DNMT1: variants seen among roughly 807,000 people sequenced by gnomAD.
DNMT1 encodes DNA (cytosine-5)-methyltransferase 1.
In DNMT1, 24 loss-of-function variants were observed where a neutral mutation model predicts 205.3. The ratio of observed to expected loss-of-function variants is 0.12; its 90% confidence interval spans 0.08 to 0.16. The LOEUF is 0.16. Ranked by LOEUF, DNMT1 falls within the 10% of genes least tolerant of loss-of-function variation. The pLI, the probability that DNMT1 is intolerant of heterozygous loss-of-function variation, is 1.00. For missense variants in DNMT1, 1,293 were observed against 2,177.7 expected (o/e 0.59, Z 8.09); for synonymous variants, 817 against 839.8 (o/e 0.97, Z 0.47).
chr19:10,140,765 G>A lies in DNMT1; in HGVS notation c.3523+16C>T. ...GGCTCACCAGGTATTCAGAGATGGA[G>A]CCTACGGGCGCTCACCTGCTTGGTG... On this transcript the variant is annotated intron_variant, in intron 32 of 40. Coordinates refer to ENST00000359526, the MANE Select transcript of DNMT1 (RefSeq NM_001130823.3). This position sits in a 1 kb window ranked among gnomAD's most constrained non-coding sequence, Gnocchi z 8.4. 6.2e-7 allele frequency: 1 copy of A among 1,614,004 alleles called. No individual in the cohort carries two copies. The highest frequency in any genetic ancestry group is 8.5e-7 in the Non-Finnish European group (1 of 1,179,930).
chr19:10,190,809 AT>A (rs2039286942), intron 1 of DNMT1, among the ~76,000 whole-genome samples: 2 of 137,080 alleles, frequency 1.5e-5, no homozygotes, highest in East Asian at 2.3e-4. Flanking sequence ...ATAAAATAAA[AT>A]AAAATAAAAT....
intron 27 of DNMT1, 143 bp downstream of exon 27, chr19:10,148,741 T>C: frequency 7.0e-7 from 1 of 1,420,024 alleles, no homozygotes. Flanking sequence ...TGAGCATCAT[T>C]CATAGTCAGG....
chr19:10,170,457 G>A (rs2038793232), intron 9 of DNMT1, among the ~76,000 whole-genome samples: 1 of 152,076 alleles, frequency 6.6e-6, no homozygotes, highest in Non-Finnish European at 1.5e-5. Flanking sequence ...TAGCCAACAT[G>A]GTGAACCCCT....
intron 1 of DNMT1, among the ~76,000 whole-genome samples, chr19:10,190,838 T>A (rs1168485005): frequency 6.6e-6 from 1 of 151,272 alleles, no homozygotes; most frequent in Non-Finnish European, 1.5e-5. Flanking sequence ...ATGAACCGGC[T>A]GGACACCATC....
chr19:10,186,886 T>C (rs1044110920), intron 1 of DNMT1, among the ~76,000 whole-genome samples: 6 of 128,896 alleles, frequency 4.7e-5, no homozygotes, highest in African/African-American at 1.9e-4. Flanking sequence ...CACAGAGGAA[T>C]AAGGCAAATA....
chr19:10,144,417 A>AAAAAAAAAG (rs2089659384), intron 28 of DNMT1: 1 of 239,328 alleles, frequency 4.2e-6, no homozygotes, highest in Non-Finnish European at 8.3e-6. Context: ...CACAGAAAAA[A>AAAAAAAAAG]AAAAAAAAGA....
At position 10,153,358 on chromosome 19, in the gene DNMT1, G is replaced by A. The variant is rs112451976; in HGVS notation, c.2019+935C>T. On this transcript the variant is annotated intron_variant, in intron 22 of 40. Coordinates refer to ENST00000359526, the MANE Select transcript of DNMT1 (RefSeq NM_001130823.3). ...TAAAAACAAATGATTTTAGGGCTGG[G>A]CACAGTGGCTCACACCTGTAATCCC... Among the ~76,000 whole-genome samples, 99 of 152,246 alleles carry A rather than the reference G, an allele frequency of 6.5e-4. 1 individual carries two copies. The highest frequency in any genetic ancestry group is 2.3e-3 in the African/African-American group (96 of 41,554).
chr19:10,183,335 G>A (rs891209485), intron 1 of DNMT1, among the ~76,000 whole-genome samples: 5 of 150,780 alleles, frequency 3.3e-5, no homozygotes, highest in Non-Finnish European at 7.4e-5. Flanking sequence ...GGCTGGTTTC[G>A]AACTCCCGAC....
intron 38 of DNMT1, 103 bp downstream of exon 38, chr19:10,136,018 C>T: frequency 6.5e-7 from 1 of 1,550,354 alleles, no homozygotes. Context: ...TGCCTGGGGT[C>T]CTGGGGTGCT....
chr19:10,135,793 G>A lies in DNMT1; in HGVS notation c.4716C>T (p.Ser1572=). Residue 1572 remains serine, a synonymous_variant, in exon 39 of 41, where the codon TCC becomes TCT. Transcript: ENST00000359526. Reference sequence around the variant, plus strand: ...GCCGGTAGGTGTCAGGGAAGCCCTGGGAGCGGGCACACTCCCGCACGCTCA... The same window carrying A: ...GCCGGTAGGTGTCAGGGAAGCCCTGAGAGCGGGCACACTCCCGCACGCTCA... ...RVVSVRECAR[S]QGFPDTYRLF... is the part of the protein sequence containing the mutation. 1 of 1,591,936 alleles carries A rather than the reference G, an allele frequency of 6.3e-7. No individual in the cohort carries two copies. Among genetic ancestry groups the A allele is most frequent in the Non-Finnish European group, 8.5e-7 (1 of 1,170,758 alleles).
rs759577079 is a variant in DNMT1 at position 10,194,874 on chromosome 19, C to T, written c.26G>A (p.Arg9Gln). Residue 9 changes from arginine to glutamine, a missense_variant, in exon 1 of 41, where the codon CGG becomes CAG. Around this residue, in one of 13 missense-constraint regions of DNMT1, gnomAD observed 394 missense variants for 451.6 expected, o/e 0.87. Transcript: ENST00000359526. MPARTAPA[R>Q]VPTLAVPAIS... is the part of the protein sequence containing the mutation. ...GGCCGGGACGGCCAGTGTGGGCACC[C>T]GGGCTGGGGCGGTACGCGCCGGCAT... The T allele has an allele frequency of 3.1e-6, 5 of 1,610,612 alleles. No individual in the cohort carries two copies. The highest frequency in any genetic ancestry group is 1.7e-4 in the Middle Eastern group (1 of 6,046).
At chr19:10,157,361 G>C (rs1448096820) in intron 17 of DNMT1, among the ~76,000 whole-genome samples, 1 of 152,182 alleles carries the variant, frequency 6.6e-6, no homozygotes, top group Non-Finnish European at 1.5e-5. Context: ...AGGGATGTGG[G>C]AAGGAAGGAC....
chr19:10,148,284 C>T (rs555851485), intron 27 of DNMT1, among the ~76,000 whole-genome samples: 1 of 151,158 alleles, frequency 6.6e-6, no homozygotes, highest in East Asian at 1.9e-4. Flanking sequence ...ATCACAAGGT[C>T]AGGAGATCGA....
chr19:10,165,692 C>T (rs1187987189), intron 11 of DNMT1, among the ~76,000 whole-genome samples: 3 of 152,148 alleles, frequency 2.0e-5, no homozygotes, highest in African/African-American at 7.2e-5. Context: ...CATGCCCAGC[C>T]CTCACATCCC....
chr19:10,164,378 G>A (rs914324771), intron 11 of DNMT1, among the ~76,000 whole-genome samples: 4 of 152,170 alleles, frequency 2.6e-5, no homozygotes, highest in Non-Finnish European at 5.9e-5. Context: ...CCTGACTTCA[G>A]GTGATCCGCC....
chr19:10,184,083 C>T (rs1211769930), intron 1 of DNMT1, among the ~76,000 whole-genome samples: 1 of 152,026 alleles, frequency 6.6e-6, no homozygotes, highest in Non-Finnish European at 1.5e-5. Flanking sequence ...GGGGGCAGGT[C>T]ATATAGTTGG....
chr19:10,140,037 C>A lies in DNMT1; in HGVS notation c.3806+9G>T, dbSNP rs1206962875. 2 of 1,606,972 alleles carry A rather than the reference C, an allele frequency of 1.2e-6. No individual in the cohort carries two copies. Among genetic ancestry groups the A allele is most frequent in the African/African-American group, 1.3e-5 (1 of 75,058 alleles). ...GTCTGGCAACACTGGGGGGCTTCTA[C>A]CCGTTTACCTGAGGAAGGAAACCAC... On this transcript the variant is annotated intron_variant, in intron 33 of 40. Coordinates refer to ENST00000359526, the MANE Select transcript of DNMT1 (RefSeq NM_001130823.3). This position sits in a 1 kb window ranked among gnomAD's most constrained non-coding sequence, Gnocchi z 8.4.
At chr19:10,187,690 C>T (rs1042148654) in intron 1 of DNMT1, among the ~76,000 whole-genome samples, 2 of 150,916 alleles carry the variant, frequency 1.3e-5, no homozygotes, top group Non-Finnish European at 1.5e-5. Flanking sequence ...GGCAACACAG[C>T]GAGAACCTGT....
chr19:10,171,011 T>C (rs2038805136), intron 9 of DNMT1, among the ~76,000 whole-genome samples: 1 of 152,092 alleles, frequency 6.6e-6, no homozygotes, highest in African/African-American at 2.4e-5. Flanking sequence ...TCTCACTACA[T>C]TGCCCAGGCT....
Sources: allele counts gnomAD v4.1 joint callset (sites outside exome capture counted in the v4.1 genomes callset), GRCh38; gene constraint gnomAD v4.1.1; regional missense constraint gnomAD v4.1.1; non-coding constraint Gnocchi (gnomAD v3.1); transcripts MANE v1.5; gene names NCBI Gene and HGNC (gene_info 2026-07-23, HGNC 2026-07-21).